The following SGMS1 variants were observed in gnomAD, a reference collection of about 807,000 sequenced individuals.
SGMS1 encodes sphingomyelin synthase 1, also known as phosphatidylcholine:ceramide cholinephosphotransferase 1.
In SGMS1, 13 loss-of-function variants were observed where a neutral mutation model predicts 46.2. The observed-to-expected ratio is 0.28, with a 90% CI of 0.18 to 0.45. SGMS1 has a LOEUF of 0.45. Ranked by LOEUF, SGMS1 falls within the 20% of genes least tolerant of loss-of-function variation. The pLI is 1.00. For missense variants in SGMS1, 324 were observed against 519.9 expected (o/e 0.62, Z 3.66); for synonymous variants, 203 against 187.8 (o/e 1.08, Z -0.66).
intron 3 of SGMS1, among the ~76,000 whole-genome samples, chr10:50,499,733 G>C (rs187092284): frequency 2.0e-4 from 31 of 152,306 alleles, no homozygotes; most frequent in African/African-American, 7.5e-4. Context: ...ACTTAATTTA[G>C]TTACAGCAAA....
At chr10:50,458,796 A>C (rs1341793247) in intron 5 of SGMS1, among the ~76,000 whole-genome samples, 1 of 152,194 alleles carries the variant, frequency 6.6e-6, no homozygotes, top group Non-Finnish European at 1.5e-5. Context: ...CAGTATGTAC[A>C]TCTACTAATT....
At chr10:50,519,389 C>T (rs985634351) in intron 3 of SGMS1, among the ~76,000 whole-genome samples, 3 of 152,166 alleles carry the variant, frequency 2.0e-5, no homozygotes, top group South Asian at 2.1e-4. Flanking sequence ...ACCTGGTAAC[C>T]GTGATCTTCC....
At chr10:50,614,797 T>C (rs1838781811) in intron 1 of SGMS1, among the ~76,000 whole-genome samples, 1 of 152,268 alleles carries the variant, frequency 6.6e-6, no homozygotes, top group Admixed American at 6.5e-5. Flanking sequence ...CTGTTATTTC[T>C]GCCACCTGGC....
intron 7 of SGMS1, chr10:50,341,241 G>A (rs1464545462): frequency 2.3e-6 from 1 of 437,920 alleles, no homozygotes; most frequent in Non-Finnish European, 4.6e-6. Flanking sequence ...CCAGGAAAAG[G>A]TAGTTTATCC....
intron 6 of SGMS1, among the ~76,000 whole-genome samples, chr10:50,430,072 A>G (rs1051391374): frequency 2.6e-5 from 4 of 152,004 alleles, no homozygotes; most frequent in Admixed American, 2.0e-4. Context: ...ATCTTCCTCT[A>G]CCATCTCTGT....
chr10:50,412,744 C>G (rs1020642363), intron 6 of SGMS1, among the ~76,000 whole-genome samples: 2 of 152,184 alleles, frequency 1.3e-5, no homozygotes, highest in Non-Finnish European at 2.9e-5. Context: ...TAGAATTACA[C>G]TGCTTAAGAA....
intron 2 of SGMS1, among the ~76,000 whole-genome samples, chr10:50,537,605 G>A (rs1279327255): frequency 8.9e-4 from 51 of 57,428 alleles, no homozygotes; most frequent in African/African-American, 3.3e-3. Flanking sequence ...ATCCCTCCCC[G>A]CCACCCCCTG....
intron 5 of SGMS1, among the ~76,000 whole-genome samples, chr10:50,452,351 T>G (rs1297932245): frequency 6.6e-6 from 1 of 152,182 alleles, no homozygotes; most frequent in Non-Finnish European, 1.5e-5. Flanking sequence ...GACTGCGCTG[T>G]ACCTAAGTTT....
At chr10:50,479,040 CCTT>C (rs1311213843) in intron 3 of SGMS1, among the ~76,000 whole-genome samples, 1 of 150,728 alleles carries the variant, frequency 6.6e-6, no homozygotes, top group East Asian at 1.9e-4. Flanking sequence ...CATTAAAAAC[CCTT>C]CTTTGTCTGC....
chr10:50,475,054 G>A (rs1405582755), intron 3 of SGMS1, among the ~76,000 whole-genome samples: 1 of 152,058 alleles, frequency 6.6e-6, no homozygotes, highest in Non-Finnish European at 1.5e-5. Context: ...TGAGAAATGG[G>A]AAAAAGAGAT....
chr10:50,447,866 A>G (rs888606350), intron 5 of SGMS1, among the ~76,000 whole-genome samples: 4 of 152,158 alleles, frequency 2.6e-5, no homozygotes, highest in Non-Finnish European at 5.9e-5. Flanking sequence ...CATTTTAAAG[A>G]AAATAATCCC....
At chr10:50,378,975 A>G (rs919307668) in intron 6 of SGMS1, among the ~76,000 whole-genome samples, 17 of 152,162 alleles carry the variant, frequency 1.1e-4, no homozygotes, top group Admixed American at 1.1e-3. Flanking sequence ...GTGTAGGGGA[A>G]AAAGGAGCAC....
intron 3 of SGMS1, among the ~76,000 whole-genome samples, chr10:50,488,883 T>C (rs994516283): frequency 2.0e-5 from 3 of 152,208 alleles, no homozygotes; most frequent in African/African-American, 7.2e-5. Context: ...GCATTGGTCA[T>C]AGTTTCCTCA....
rs1838883012 is a variant in SGMS1 at position 50,623,900 on chromosome 10, A to AGCCGCTGCCCC, written c.-888_-878dup. On this transcript the variant is annotated 5_prime_UTR_variant, in exon 1 of 11. Transcript: ENST00000361781. ...GACCTGCCCGCCGCCTGCCGCCCGC[A>AGCCGCTGCCCC]GCCGCTGCCCCGCTGGTGCGAACGC... 1.0e-6 allele frequency: 1 copy of AGCCGCTGCCCC among 986,934 alleles called. No individual in the cohort carries two copies. The highest frequency in any genetic ancestry group is 1.2e-6 in the Non-Finnish European group (1 of 831,374). 61.1% of individuals were successfully genotyped at this position (986,934 alleles called of 1,614,324 possible). A position where few individuals can be genotyped will look rare whatever the true frequency, so the allele number is the denominator to read the frequency against.
At chr10:50,603,655 C>T (rs1194753491) in intron 1 of SGMS1, among the ~76,000 whole-genome samples, 5 of 152,234 alleles carry the variant, frequency 3.3e-5, no homozygotes, top group Non-Finnish European at 4.4e-5. Context: ...TTGCACAACA[C>T]ACTGCAGTCA....
chr10:50,414,117 C>G (rs1849136232), intron 6 of SGMS1, among the ~76,000 whole-genome samples: 1 of 152,196 alleles, frequency 6.6e-6, no homozygotes, highest in South Asian at 2.1e-4. Flanking sequence ...AACCTAATTA[C>G]AGCCAGGCAC....
intron 3 of SGMS1, among the ~76,000 whole-genome samples, chr10:50,472,074 CT>C (rs1266814302): frequency 6.6e-6 from 1 of 151,840 alleles, no homozygotes; most frequent in Non-Finnish European, 1.5e-5. Flanking sequence ...TCATTATTTT[CT>C]TTTTTAATTT....
At chr10:50,533,213 C>T (rs762870405) in intron 2 of SGMS1, among the ~76,000 whole-genome samples, 2 of 152,100 alleles carry the variant, frequency 1.3e-5, no homozygotes, top group African/African-American at 4.8e-5. Context: ...AAATCTTTGA[C>T]AAAGATGATG....
intron 6 of SGMS1, among the ~76,000 whole-genome samples, chr10:50,425,530 G>A (rs1849313851): frequency 6.6e-6 from 1 of 152,198 alleles, no homozygotes; most frequent in East Asian, 1.9e-4. Flanking sequence ...TCACTTATAA[G>A]TGGGACCTAA....
Sources: allele counts gnomAD v4.1 joint callset (sites outside exome capture counted in the v4.1 genomes callset), GRCh38; gene constraint gnomAD v4.1.1; transcripts MANE v1.5; gene names NCBI Gene and HGNC (gene_info 2026-07-23, HGNC 2026-07-21).